PPM1L: variants seen among roughly 807,000 people sequenced by gnomAD.
PPM1L encodes protein phosphatase 1L.
In PPM1L, 13 loss-of-function variants were observed where a neutral mutation model predicts 31.4. That is an observed-to-expected ratio of 0.41 (90% CI 0.27 to 0.66). The LOEUF is 0.66. PPM1L is among the 30% of genes least tolerant of loss of function. The probability of loss-of-function intolerance (pLI) is 0.29; values close to 1 mark genes in which losing one functional copy is unlikely to be tolerated. For missense variants in PPM1L, 326 were observed against 453.7 expected, an observed-to-expected ratio of 0.72 and a Z score of 2.56; for synonymous variants, 184 against 175.4, an observed-to-expected ratio of 1.05 and a Z score of -0.39.
chr3:161,031,074 A>G (rs1210812780), intron 2 of PPM1L, among the ~76,000 whole-genome samples: 1 of 152,218 alleles, frequency 6.6e-6, no homozygotes, highest in Non-Finnish European at 1.5e-5. Context: ...CTGCTGTCAC[A>G]GGCTCCAGAG....
intron 1 of PPM1L, among the ~76,000 whole-genome samples, chr3:160,837,703 C>G (rs187715102): frequency 6.6e-6 from 1 of 152,136 alleles, no homozygotes; most frequent in Non-Finnish European, 1.5e-5. Flanking sequence ...GATTGCCAAG[C>G]CTCGGGTGGG....
chr3:160,900,010 A>C (rs1351173294), intron 1 of PPM1L, among the ~76,000 whole-genome samples: 1 of 152,056 alleles, frequency 6.6e-6, no homozygotes, highest in African/African-American at 2.4e-5. Flanking sequence ...TTTTTACTTC[A>C]TGTAATTGAT....
chr3:160,857,123 T>G (rs1432205139), intron 1 of PPM1L, among the ~76,000 whole-genome samples: 1 of 152,242 alleles, frequency 6.6e-6, no homozygotes, highest in Non-Finnish European at 1.5e-5. Context: ...GTTACACTTC[T>G]TTTTAAAAAA....
intron 2 of PPM1L, chr3:161,022,146 TACCCTTAG>T: frequency 1.5e-6 from 1 of 679,450 alleles, no homozygotes; most frequent in Non-Finnish European, 2.7e-6. Context: ...TTTTTTTTTT[TACCCTTAG>T]TTACTTTTTG....
intron 1 of PPM1L, among the ~76,000 whole-genome samples, chr3:160,824,206 G>T (rs1374520608): frequency 6.6e-6 from 1 of 151,992 alleles, no homozygotes; most frequent in Non-Finnish European, 1.5e-5. Flanking sequence ...TGGAGAGTTA[G>T]TTTGCTTTCT....
intron 2 of PPM1L, among the ~76,000 whole-genome samples, chr3:161,026,911 C>G (rs1338514817): frequency 6.6e-6 from 1 of 152,070 alleles, no homozygotes; most frequent in Non-Finnish European, 1.5e-5. Context: ...GGAGAAATAG[C>G]AGGGGAAGAA....
At chr3:160,975,076 C>T (rs1202087647) in intron 2 of PPM1L, among the ~76,000 whole-genome samples, 1 of 151,684 alleles carries the variant, frequency 6.6e-6, no homozygotes, top group Admixed American at 6.6e-5. Context: ...GATCCAGTTT[C>T]AGCTTTCTAC....
Position 160,940,468 on chromosome 3 carries a change from G to A in PPM1L, c.400-21268G>A, listed in dbSNP as rs150454319. 9.9e-4 allele frequency among the ~76,000 whole-genome samples: 151 copies of A among 152,260 alleles called. 1 individual carries two copies. Among genetic ancestry groups the A allele is most frequent in the African/African-American group, 3.3e-3 (139 of 41,546 alleles). On this transcript the variant is annotated intron_variant, in intron 1 of 3. Coordinates refer to ENST00000498165, the MANE Select transcript of PPM1L (RefSeq NM_139245.4). ...GAAAAAGTGGTTTTGTGGGCTGGGCGCAGGGTCCCTGTGCTGTGTGCAGCC... is the reference window on the plus strand; with the variant it reads ...GAAAAAGTGGTTTTGTGGGCTGGGCACAGGGTCCCTGTGCTGTGTGCAGCC...
intron 1 of PPM1L, among the ~76,000 whole-genome samples, chr3:160,802,042 C>G (rs996032829): frequency 2.0e-5 from 3 of 152,188 alleles, no homozygotes; most frequent in African/African-American, 7.2e-5. Flanking sequence ...TTTACAGAGT[C>G]ATCTTGGTGG....
intron 2 of PPM1L, among the ~76,000 whole-genome samples, chr3:161,010,152 C>T (rs1031783122): frequency 6.6e-6 from 1 of 152,066 alleles, no homozygotes; most frequent in Non-Finnish European, 1.5e-5. Flanking sequence ...ATCCCTCCTC[C>T]TCCCCCCACC....
At chr3:161,027,398 A>C (rs943851738) in intron 2 of PPM1L, among the ~76,000 whole-genome samples, 1 of 152,214 alleles carries the variant, frequency 6.6e-6, no homozygotes, top group Admixed American at 6.5e-5. Context: ...TACAGGAAAA[A>C]GGGTTTAATG....
chr3:160,939,943 A>G (rs896159362), intron 1 of PPM1L, among the ~76,000 whole-genome samples: 26 of 152,192 alleles, frequency 1.7e-4, no homozygotes, highest in African/African-American at 5.5e-4. Flanking sequence ...AACCTCCTAG[A>G]GACTTGTTGA....
Position 160,872,875 on chromosome 3 carries a change from C to T in PPM1L, c.400-88861C>T, listed in dbSNP as rs531472894. On this transcript the variant is annotated intron_variant, in intron 1 of 3. Coordinates refer to ENST00000498165, the MANE Select transcript of PPM1L (RefSeq NM_139245.4). ...CCCGGAGGCAGAGCTTGCAGTGAGCCGAGATTGCGCCACTACACTCCAGCC... is the reference window on the plus strand; with the variant it reads ...CCCGGAGGCAGAGCTTGCAGTGAGCTGAGATTGCGCCACTACACTCCAGCC... Among the ~76,000 whole-genome samples the T allele has an allele frequency of 1.5e-4, 23 of 152,096 alleles. 1 individual carries two copies. The South Asian group carries it at 4.6e-3, about 30-fold the overall frequency.
At chr3:160,963,282 A>T (rs1198713425) in intron 2 of PPM1L, among the ~76,000 whole-genome samples, 1 of 152,072 alleles carries the variant, frequency 6.6e-6, no homozygotes, top group African/African-American at 2.4e-5. Context: ...CCTAATTACT[A>T]ATCAAGCTAT....
At chr3:160,991,079 T>TA (rs3063243) in intron 2 of PPM1L, among the ~76,000 whole-genome samples, 49,396 of 137,854 alleles carry the variant, frequency 0.36, 8,781 homozygotes, top group East Asian at 0.6. Context: ...GCTGATGAGC[T>TA]AAAAAAAAAA....
At chr3:160,876,849 G>A (rs988940879) in intron 1 of PPM1L, among the ~76,000 whole-genome samples, 2 of 152,192 alleles carry the variant, frequency 1.3e-5, no homozygotes, top group Non-Finnish European at 2.9e-5. Flanking sequence ...TTGTTTTAGA[G>A]TCTTGCACAC....
rs190361193 is a variant in PPM1L, at chr3:160,941,610, C to T, written c.400-20126C>T. Among the ~76,000 whole-genome samples the T allele has an allele frequency of 1.7e-3, 254 of 152,178 alleles. 1 individual carries two copies. Among genetic ancestry groups the T allele is most frequent in the Non-Finnish European group, 2.9e-3 (196 of 67,992 alleles). On this transcript the variant is annotated intron_variant, in intron 1 of 3. Coordinates refer to ENST00000498165, the MANE Select transcript of PPM1L (RefSeq NM_139245.4). The stretch of plus-strand genomic sequence containing the variant: ...CATGTAAGAAGTGCCTTTCCCCTCC[C>T]GCGATGATTCTGAGGTCTCCTCAGC...
intron 1 of PPM1L, among the ~76,000 whole-genome samples, chr3:160,837,982 C>T (rs1322558761): frequency 1.3e-5 from 2 of 152,068 alleles, no homozygotes; most frequent in Non-Finnish European, 2.9e-5. Flanking sequence ...TAGACAAATG[C>T]TTATAGAAGA....
At chr3:160,810,191 C>A (rs891160676) in intron 1 of PPM1L, among the ~76,000 whole-genome samples, 3 of 151,954 alleles carry the variant, frequency 2.0e-5, no homozygotes, top group African/African-American at 7.3e-5. Flanking sequence ...ACTTTTCTCC[C>A]AGTCTCTGCT....
Sources: allele counts gnomAD v4.1 joint callset (sites outside exome capture counted in the v4.1 genomes callset), GRCh38; gene constraint gnomAD v4.1.1; transcripts MANE v1.5; gene names NCBI Gene and HGNC (gene_info 2026-07-23, HGNC 2026-07-21).